CHKA: variants seen among roughly 807,000 people sequenced by gnomAD.
CHKA encodes the protein choline kinase alpha, also known as CHETK-alpha.
Under a neutral mutation model 60.1 loss-of-function variants are expected in CHKA, and 34 were observed. That is an observed-to-expected ratio of 0.57 (90% CI 0.43 to 0.75). CHKA has a LOEUF of 0.75. Among genes scored for constraint, CHKA ranks in the 30% least tolerant of loss-of-function variants. CHKA has a pLI of 0.00. For synonymous variants in CHKA, 217 were observed against 223.1 expected, an observed-to-expected ratio of 0.97 and a Z score of 0.24; for missense variants, 563 against 561.3, an observed-to-expected ratio of 1.00 and a Z score of -0.03.
At chr11:68,096,946 CCAAGGTATCT>C in intron 2 of CHKA, 63 bp downstream of exon 2, 2 of 1,025,706 alleles carry the variant, frequency 1.9e-6, no homozygotes, top group Non-Finnish European at 2.9e-6. Flanking sequence ...AAATCTCTTT[CCAAGGTATCT>C]CAGCAAAGAG....
intron 11 of CHKA, chr11:68,061,690 A>G: frequency 1.9e-6 from 1 of 536,740 alleles, no homozygotes; most frequent in Non-Finnish European, 3.6e-6. Context: ...ACTTCTCTGA[A>G]GCAGGGGAGG....
chr11:68,092,984 A>G (rs1857395596), intron 2 of CHKA, among the ~76,000 whole-genome samples: 1 of 149,892 alleles, frequency 6.7e-6, no homozygotes, highest in Non-Finnish European at 1.5e-5. Context: ...AAAACTACTA[A>G]TTTCCCATCC....
intron 3 of CHKA, among the ~76,000 whole-genome samples, chr11:68,079,931 T>C (rs996278372): frequency 6.6e-6 from 1 of 152,130 alleles, no homozygotes; most frequent in Non-Finnish European, 1.5e-5. Flanking sequence ...CGCCCTAGCA[T>C]GTAGACAGCC....
At chr11:68,063,808 CTCTA>C (rs1032863168) in intron 10 of CHKA, among the ~76,000 whole-genome samples, 2 of 152,164 alleles carry the variant, frequency 1.3e-5, no homozygotes, top group African/African-American at 4.8e-5. Flanking sequence ...CTACCTTCTT[CTCTA>C]TCTCTCTGCC....
At chr11:68,068,959 T>C (rs776910867) in intron 6 of CHKA, 22 bp from the exon 7 acceptor site, 2 of 1,595,868 alleles carry the variant, frequency 1.3e-6, no homozygotes, top group South Asian at 1.1e-5. Context: ...GGTTTCACTG[T>C]TACCCATCAC....
chr11:68,055,104 A>G (rs1188463605), intron 11 of CHKA, among the ~76,000 whole-genome samples: 1 of 152,208 alleles, frequency 6.6e-6, no homozygotes, highest in East Asian at 1.9e-4. Context: ...TTATAAATGA[A>G]GGTGCAGACC....
At chr11:68,087,146 G>A (rs1324944484) in intron 2 of CHKA, among the ~76,000 whole-genome samples, 1 of 151,808 alleles carries the variant, frequency 6.6e-6, no homozygotes. Flanking sequence ...AAATAAATTG[G>A]AAATGCTATT....
At chr11:68,104,879 C>G (rs1446407550) in intron 1 of CHKA, among the ~76,000 whole-genome samples, 1 of 148,822 alleles carries the variant, frequency 6.7e-6, no homozygotes, top group African/African-American at 2.5e-5. Flanking sequence ...CAAAGACGGG[C>G]AGATCATCTG....
intron 10 of CHKA, among the ~76,000 whole-genome samples, chr11:68,062,347 G>A (rs1856280454): frequency 6.6e-6 from 1 of 152,246 alleles, no homozygotes; most frequent in Non-Finnish European, 1.5e-5. Context: ...TTCACAGGGT[G>A]CAGGTGAAGG....
At chr11:68,067,027 T>G (rs1245825948) in intron 7 of CHKA, among the ~76,000 whole-genome samples, 1 of 152,176 alleles carries the variant, frequency 6.6e-6, no homozygotes, top group Non-Finnish European at 1.5e-5. Flanking sequence ...CTGCTTTTCC[T>G]TCCCAAGGAG....
intron 1 of CHKA, among the ~76,000 whole-genome samples, chr11:68,099,458 G>A (rs927163993): frequency 3.3e-5 from 5 of 152,196 alleles, no homozygotes; most frequent in Non-Finnish European, 5.9e-5. Flanking sequence ...ACCATCATGA[G>A]TCTCTAGGAA....
At chr11:68,088,901 A>C (rs1180785223) in intron 2 of CHKA, among the ~76,000 whole-genome samples, 1 of 152,180 alleles carries the variant, frequency 6.6e-6, no homozygotes, top group East Asian at 1.9e-4. Flanking sequence ...GTGAGATCTC[A>C]ATGCAATGAT....
In CHKA at chr11:68,070,284, C is replaced by T; in HGVS notation, c.774G>A (p.Lys258=). The T allele has an allele frequency of 6.2e-7, 1 of 1,605,642 alleles. No homozygotes were observed. The highest frequency in any genetic ancestry group is 1.1e-5 in the South Asian group (1 of 90,726). The change falls in exon 6 of 12, where the codon AAG becomes AAA. Residue 258 remains lysine (K), a synonymous_variant. Coordinates refer to ENST00000265689, the MANE Select transcript of CHKA (RefSeq NM_001277.3). The part of the protein sequence containing the change: ...WLFGTMEKYL[K]EVLRIKFTEE... Reference sequence around the variant, plus strand: ...CAGTAAATTTAATTCTCAGCACTTCCTTTAGATACCTATTAAAAAATTTTC... The same window carrying T: ...CAGTAAATTTAATTCTCAGCACTTCTTTTAGATACCTATTAAAAAATTTTC...
intron 11 of CHKA, chr11:68,061,596 T>C (rs1414174905): frequency 2.6e-6 from 1 of 385,382 alleles, no homozygotes; most frequent in Non-Finnish European, 5.2e-6. Flanking sequence ...TCTTCTTCAC[T>C]TACTGTCCCG....
chr11:68,054,398 TAAC>T (rs1181090138), intron 11 of CHKA, among the ~76,000 whole-genome samples: 2 of 152,164 alleles, frequency 1.3e-5, no homozygotes, highest in African/African-American at 4.8e-5. Flanking sequence ...CTGACCGACA[TAAC>T]ACACCTTTTA....
At chr11:68,061,504 C>A (rs2134499931) in intron 11 of CHKA, 2 of 249,898 alleles carry the variant, frequency 8.0e-6, no homozygotes, top group Non-Finnish European at 1.7e-5. Flanking sequence ...AGCTTCCAAC[C>A]CAAAGTCGGG....
rs201285000 is a variant in CHKA, at chr11:68,070,801, G to C, written c.687C>G (p.Ala229=). The change falls in exon 5 of 12, where the codon GCC becomes GCG. Residue 229 remains alanine, a synonymous_variant. Transcript: ENST00000265689. ...TACCATGAAATGTAGCCATTTTCTC[G>C]GCGATTTCTGCAGAAATATCTGGCA... ...LSLPDISAEI[A]EKMATFHGMK... 6.2e-7 allele frequency: 1 copy of C among 1,612,666 alleles called. No individual in the cohort carries two copies. Among genetic ancestry groups the C allele is most frequent in the South Asian group, 1.1e-5 (1 of 91,016 alleles).
intron 1 of CHKA, among the ~76,000 whole-genome samples, chr11:68,100,573 A>G (rs1590873023): frequency 6.7e-6 from 1 of 150,334 alleles, no homozygotes; most frequent in Non-Finnish European, 1.5e-5. Context: ...CTGGGGGACA[A>G]GAACGAAACA....
At chr11:68,099,965 G>T (rs1857648717) in intron 1 of CHKA, among the ~76,000 whole-genome samples, 1 of 152,166 alleles carries the variant, frequency 6.6e-6, no homozygotes, top group Non-Finnish European at 1.5e-5. Context: ...TTGTTCAATA[G>T]GTTTTAGTGA....
Sources: allele counts gnomAD v4.1 joint callset (sites outside exome capture counted in the v4.1 genomes callset), GRCh38; gene constraint gnomAD v4.1.1; transcripts MANE v1.5; gene names NCBI Gene and HGNC (gene_info 2026-07-23, HGNC 2026-07-21).